PLXDC2: variants seen among roughly 807,000 people sequenced by gnomAD.
The protein encoded by PLXDC2 is plexin domain-containing protein 2.
A neutral mutation model predicts 68.9 loss-of-function variants in PLXDC2; 40 were observed. That is an observed-to-expected ratio of 0.58 (90% confidence interval 0.45 to 0.76). The LOEUF (loss-of-function observed/expected upper bound fraction) is 0.76. PLXDC2 is among the 30% of genes least tolerant of loss of function. The probability of loss-of-function intolerance (pLI) is 0.00; values close to 1 mark genes in which losing one functional copy is unlikely to be tolerated. For synonymous variants in PLXDC2, 243 were observed against 234.2 expected (o/e 1.04, Z -0.34); for missense variants, 644 against 661.9 (o/e 0.97, Z 0.30).
chr10:20,186,981 G>C (rs1440841059), intron 9 of PLXDC2, among the ~76,000 whole-genome samples: 2 of 151,810 alleles, frequency 1.3e-5, no homozygotes, highest in Non-Finnish European at 2.9e-5. Context: ...AAGTGTATTT[G>C]GCTTTCTGTG....
chr10:20,146,260 A>G (rs1554769747), intron 5 of PLXDC2, among the ~76,000 whole-genome samples: 1 of 152,116 alleles, frequency 6.6e-6, no homozygotes. Context: ...GAAAATTCCT[A>G]TACTTATAAA....
chr10:19,867,653 G>A (rs892983679), intron 1 of PLXDC2, among the ~76,000 whole-genome samples: 8 of 152,072 alleles, frequency 5.3e-5, no homozygotes, highest in African/African-American at 7.2e-5. Flanking sequence ...GTGGGGAGGC[G>A]TGTGGCAGGC....
Position 20,279,980 on chromosome 10 carries a change from A to G in PLXDC2, c.*161A>G. 1.3e-5 allele frequency: 8 copies of G among 605,184 alleles called. No homozygotes were observed. The South Asian group carries it at 1.7e-4, about 13-fold the overall frequency. The allele number at this position is 605,184 out of a possible 1,614,324, so 37.5% of individuals were successfully genotyped here. Reference sequence around the variant, plus strand: ...TCTGGACAAGCTCAGCCCAGGAAACAAAGGGTAAACAAAAAACTAAAACTT... The same window carrying G: ...TCTGGACAAGCTCAGCCCAGGAAACGAAGGGTAAACAAAAAACTAAAACTT... On this transcript the variant is annotated 3_prime_UTR_variant, in exon 14 of 14. Coordinates refer to ENST00000377252, the MANE Select transcript of PLXDC2 (RefSeq NM_032812.9).
intron 12 of PLXDC2, among the ~76,000 whole-genome samples, chr10:20,226,624 C>G (rs547881194): frequency 6.6e-6 from 1 of 152,196 alleles, no homozygotes; most frequent in African/African-American, 2.4e-5. Context: ...ACTTTTTCCC[C>G]TGTAGGTTAA....
In PLXDC2 at chr10:20,286,556, AG is replaced by A. The variant is rs1217434473; in HGVS notation, c.*6738del. ...CCAAAGTATCGCTTACTGACCATGC[AG>A]CTGTAAACCTTCTGTGCCTATCAAA... On this transcript the variant is annotated 3_prime_UTR_variant, in exon 14 of 14. Coordinates refer to ENST00000377252, the MANE Select transcript of PLXDC2 (RefSeq NM_032812.9). 6.6e-6 allele frequency: 1 copy of A among 152,188 alleles called. No individual in the cohort carries two copies. Among genetic ancestry groups the A allele is most frequent in the African/African-American group, 2.4e-5 (1 of 41,448 alleles). The allele number at this position is 152,188 out of a possible 1,614,324, so 9.4% of individuals were successfully genotyped here. A position where few individuals can be genotyped will look rare whatever the true frequency, so the allele number is the denominator to read the frequency against.
At chr10:20,053,500 A>G (rs1323486234) in intron 3 of PLXDC2, among the ~76,000 whole-genome samples, 2 of 152,098 alleles carry the variant, frequency 1.3e-5, no homozygotes, top group African/African-American at 4.8e-5. Flanking sequence ...GCAAATCTAA[A>G]AGTTTCTGAC....
chr10:20,200,557 A>T (rs1834903774), intron 9 of PLXDC2, among the ~76,000 whole-genome samples: 1 of 152,068 alleles, frequency 6.6e-6, no homozygotes, highest in African/African-American at 2.4e-5. Context: ...CAAACGAAAA[A>T]GCTTCTCCAC....
At chr10:20,144,729 T>C (rs1834050451) in intron 5 of PLXDC2, among the ~76,000 whole-genome samples, 2 of 152,186 alleles carry the variant, frequency 1.3e-5, no homozygotes, top group Admixed American at 6.5e-5. Flanking sequence ...CTTGGGAGTC[T>C]ATCCTACGGA....
intron 9 of PLXDC2, among the ~76,000 whole-genome samples, chr10:20,186,481 G>A (rs181403414): frequency 6.6e-6 from 1 of 151,894 alleles, no homozygotes; most frequent in East Asian, 1.9e-4. Context: ...CTCACGTCAT[G>A]GGGGTTTGAT....
At chr10:20,232,938 A>G (rs1287018265) in intron 12 of PLXDC2, among the ~76,000 whole-genome samples, 2 of 152,248 alleles carry the variant, frequency 1.3e-5, no homozygotes, top group East Asian at 3.8e-4. Flanking sequence ...ATATGTTTTC[A>G]TAAACTAGGC....
At position 19,899,728 on chromosome 10, in the gene PLXDC2, A is replaced by G. The variant is rs188156387; in HGVS notation, c.112+82537A>G. ...TATAGTAGCCAAATATGAAAAGATG[A>G]TAGGATACTAAATTAGCAGTATATA... On this transcript the variant is annotated intron_variant, in intron 1 of 13. Transcript: ENST00000377252. Among the ~76,000 whole-genome samples, 29 of 152,318 alleles carry G rather than the reference A, an allele frequency of 1.9e-4. 1 individual carries two copies. The highest frequency in any genetic ancestry group is 1.8e-3 in the Admixed American group (27 of 15,300).
intron 4 of PLXDC2, among the ~76,000 whole-genome samples, chr10:20,106,399 G>A (rs1833491307): frequency 6.6e-6 from 1 of 152,168 alleles, no homozygotes; most frequent in East Asian, 1.9e-4. Context: ...TTCCTAAGCA[G>A]GGGAATCCCT....
intron 4 of PLXDC2, among the ~76,000 whole-genome samples, chr10:20,110,998 G>A (rs1833553388): frequency 6.6e-6 from 1 of 152,056 alleles, no homozygotes; most frequent in South Asian, 2.1e-4. Context: ...CCTGACCAGG[G>A]TACCCACATA....
chr10:20,175,801 G>T (rs1422226360), intron 7 of PLXDC2, among the ~76,000 whole-genome samples: 1 of 152,090 alleles, frequency 6.6e-6, no homozygotes, highest in East Asian at 1.9e-4. Flanking sequence ...CACTGACTGG[G>T]CAACAGTGGG....
intron 2 of PLXDC2, among the ~76,000 whole-genome samples, chr10:20,041,533 G>C (rs960128321): frequency 6.6e-6 from 1 of 152,214 alleles, no homozygotes; most frequent in African/African-American, 2.4e-5. Flanking sequence ...CTTGAGACAT[G>C]ATGTGCAAAT....
intron 10 of PLXDC2, among the ~76,000 whole-genome samples, chr10:20,213,482 T>C (rs1173307879): frequency 6.6e-6 from 1 of 152,078 alleles, no homozygotes. Context: ...CTTTTTCTTC[T>C]TCACAAGTGT....
intron 4 of PLXDC2, among the ~76,000 whole-genome samples, chr10:20,121,712 G>A (rs1833699931): frequency 6.6e-6 from 1 of 152,148 alleles, no homozygotes; most frequent in African/African-American, 2.4e-5. Flanking sequence ...TATGGGTTTG[G>A]CACCATGGGG....
At chr10:19,929,638 G>A (rs1031861529) in intron 1 of PLXDC2, among the ~76,000 whole-genome samples, 7 of 152,020 alleles carry the variant, frequency 4.6e-5, no homozygotes, top group Admixed American at 1.3e-4. Flanking sequence ...TTTCTCTCTT[G>A]TACAGGATCA....
At chr10:19,841,534 A>T (rs1404433379) in intron 1 of PLXDC2, among the ~76,000 whole-genome samples, 1 of 132,856 alleles carries the variant, frequency 7.5e-6, no homozygotes, top group African/African-American at 2.8e-5. Context: ...GGTGTGTTTC[A>T]GGGTTTTTTT....
Sources: allele counts gnomAD v4.1 joint callset (sites outside exome capture counted in the v4.1 genomes callset), GRCh38; gene constraint gnomAD v4.1.1; transcripts MANE v1.5; gene names NCBI Gene and HGNC (gene_info 2026-07-23, HGNC 2026-07-21).